The following SNRPN variants were observed in gnomAD, a reference collection of about 807,000 sequenced individuals.
The protein encoded by SNRPN is small nuclear ribonucleoprotein-associated protein N.
Under a neutral mutation model 25.2 loss-of-function variants are expected in SNRPN, and 7 were observed. That is an observed-to-expected ratio of 0.28 (90% CI 0.16 to 0.52). The LOEUF (loss-of-function observed/expected upper bound fraction) is 0.52, where lower values mean the gene tolerates loss of function less well. Among genes scored for constraint, SNRPN ranks in the 20% least tolerant of loss-of-function variants. The pLI, the probability that SNRPN is intolerant of heterozygous loss-of-function variation, is 0.96. For synonymous variants in SNRPN, 124 were observed against 110.6 expected (o/e 1.12, Z -0.76); for missense variants, 196 against 322.5 (o/e 0.61, Z 3.00).
At chr15:24,843,145 C>G (rs1409604259) in intron 2 of SNRPN, among the ~76,000 whole-genome samples, 1 of 152,096 alleles carries the variant, frequency 6.6e-6, no homozygotes, top group Non-Finnish European at 1.5e-5. Context: ...GCAACCTCGG[C>G]TCACTGCAAC....
chr15:24,895,286 A>G (rs74595013), intron 2 of SNRPN, among the ~76,000 whole-genome samples: 16,239 of 152,108 alleles, frequency 0.11, 1,046 homozygotes, highest in South Asian at 0.14. Flanking sequence ...TCCTTCCTAC[A>G]CATTTGGTTT....
chr15:24,895,803 A>C (rs1204044513), intron 2 of SNRPN, among the ~76,000 whole-genome samples: 2 of 152,204 alleles, frequency 1.3e-5, no homozygotes, highest in East Asian at 3.9e-4. Flanking sequence ...CTTCCTGAAT[A>C]TCCTTTGCTC....
At chr15:24,925,394 AAGGCCAGG>A (rs1369404794) in intron 3 of SNRPN, among the ~76,000 whole-genome samples, 3 of 151,954 alleles carry the variant, frequency 2.0e-5, no homozygotes, top group African/African-American at 7.3e-5. Flanking sequence ...AAGATCGCTC[AAGGCCAGG>A]AGTTCGAGAC....
rs1423930184 is a variant in SNRPN at position 24,918,611 on chromosome 15, AAT to A, written c.-504-1393_-504-1392del. ...TAATATATATGTATATATATAACAT[AAT>A]ATATATGTGTGTATATATAACATAA... On this transcript the variant is annotated intron_variant, in intron 2 of 11. Coordinates refer to the SNRPN transcript ENST00000400097. Among the ~76,000 whole-genome samples the A allele has an allele frequency of 2.3e-3, 221 of 96,480 alleles. 3 individuals carry two copies. Among genetic ancestry groups the A allele is most frequent in the African/African-American group, 8.4e-3 (203 of 24,076 alleles). 63.3% of individuals were successfully genotyped at this position (96,480 alleles called of 152,430 possible).
intron 1 of SNRPN, among the ~76,000 whole-genome samples, chr15:24,870,673 A>C (rs1475815678): frequency 6.6e-6 from 1 of 151,910 alleles, no homozygotes; most frequent in East Asian, 1.9e-4. Context: ...CAGAATCTTC[A>C]CTTTGTACCC....
intron 1 of SNRPN, among the ~76,000 whole-genome samples, chr15:24,880,866 C>T (rs12909900): frequency 0.41 from 62,109 of 150,602 alleles, 13,388 homozygotes; most frequent in East Asian, 0.61. Flanking sequence ...GCCTCACTAC[C>T]GGGTCTTACT....
intron 1 of SNRPN, among the ~76,000 whole-genome samples, chr15:24,886,299 T>A (rs1396731909): frequency 6.6e-6 from 1 of 152,182 alleles, no homozygotes; most frequent in African/African-American, 2.4e-5. Context: ...ATGTTAATTC[T>A]TAGTAATTTT....
At chr15:24,836,720 C>G (rs564143084) in intron 2 of SNRPN, among the ~76,000 whole-genome samples, 1 of 152,210 alleles carries the variant, frequency 6.6e-6, no homozygotes, top group African/African-American at 2.4e-5. Context: ...GCCACAAATG[C>G]ATTTAATGTA....
intron 2 of SNRPN, among the ~76,000 whole-genome samples, chr15:24,919,223 AT>A (rs2059890235): frequency 6.6e-6 from 1 of 151,440 alleles, no homozygotes; most frequent in Non-Finnish European, 1.5e-5. Flanking sequence ...AGGTCAGGAG[AT>A]TAAGACCATC....
intron 2 of SNRPN, chr15:24,848,215 G>GGGGCGGGGGCGGCGGCGA (rs2052388367): frequency 7.1e-6 from 1 of 140,254 alleles, no homozygotes; most frequent in South Asian, 1.9e-4. Flanking sequence ...ACGGAGCTGG[G>GGGGCGGGGGCGGCGGCGA]GGGCGGGGGC....
chr15:24,927,602 A>G (rs980305737), intron 3 of SNRPN, among the ~76,000 whole-genome samples: 2 of 149,634 alleles, frequency 1.3e-5, no homozygotes, highest in East Asian at 4.0e-4. Flanking sequence ...TTGGATAATC[A>G]TAGTAAAGAT....
intron 1 of SNRPN, among the ~76,000 whole-genome samples, chr15:24,876,571 T>G (rs1328885914): frequency 1.3e-5 from 2 of 148,378 alleles, no homozygotes; most frequent in Non-Finnish European, 1.5e-5. Flanking sequence ...GAGCTGAGAT[T>G]GCTCCACTGC....
intron 2 of SNRPN, among the ~76,000 whole-genome samples, chr15:24,840,615 T>C (rs568027564): frequency 3.0e-4 from 46 of 152,202 alleles, no homozygotes; most frequent in Non-Finnish European, 5.7e-4. Context: ...CTTTATTGGT[T>C]ACCTTGACTC....
intron 3 of SNRPN, chr15:24,968,666 C>CA (rs1315353544): frequency 6.6e-6 from 1 of 152,490 alleles, no homozygotes; most frequent in Non-Finnish European, 1.5e-5. Context: ...TATAAATACA[C>CA]AGCACATAAT....
intron 1 of SNRPN, among the ~76,000 whole-genome samples, chr15:24,955,817 C>T (rs937894187): frequency 1.3e-5 from 2 of 149,928 alleles, no homozygotes; most frequent in East Asian, 2.0e-4. Context: ...TGGACTTTGG[C>T]GGCGGTAGGC....
intron 2 of SNRPN, among the ~76,000 whole-genome samples, chr15:24,903,444 A>G (rs1027971581): frequency 2.0e-5 from 3 of 152,160 alleles, no homozygotes; most frequent in African/African-American, 7.2e-5. Context: ...AAAACAAAAC[A>G]TCCTAAGGGC....
chr15:24,880,165 T>C (rs2056438265), intron 1 of SNRPN, among the ~76,000 whole-genome samples: 2 of 152,184 alleles, frequency 1.3e-5, no homozygotes. Flanking sequence ...AGAAAGGTTT[T>C]CCCACTTTTC....
At chr15:24,954,433 G>T (rs1201465059), upstream of SNRPN, among the ~76,000 whole-genome samples, 2 of 152,128 alleles carry the variant, frequency 1.3e-5, no homozygotes, top group African/African-American at 4.8e-5. Flanking sequence ...GATTTTGGGG[G>T]AGATAATTTT....
intron 1 of SNRPN, among the ~76,000 whole-genome samples, chr15:24,875,206 CACA>C (rs1238754142): frequency 6.6e-5 from 10 of 152,160 alleles, no homozygotes; most frequent in Non-Finnish European, 1.5e-4. Flanking sequence ...ATTCAATTCT[CACA>C]ACATTTCAAG....
Sources: allele counts gnomAD v4.1 joint callset (sites outside exome capture counted in the v4.1 genomes callset), GRCh38; gene constraint gnomAD v4.1.1; transcripts MANE v1.5; gene names NCBI Gene and HGNC (gene_info 2026-07-23, HGNC 2026-07-21).